The following GPC6 variants were observed in gnomAD, a reference collection of about 807,000 sequenced individuals.
GPC6 encodes glypican 6.
A neutral mutation model predicts 55.2 loss-of-function variants in GPC6; 14 were observed. That is an observed-to-expected ratio of 0.25 (90% CI 0.17 to 0.40). GPC6 has a LOEUF of 0.40. Ranked by LOEUF, GPC6 falls within the 10% of genes least tolerant of loss-of-function variation. The probability of loss-of-function intolerance (pLI) is 1.00; values close to 1 mark genes in which losing one functional copy is unlikely to be tolerated. For synonymous variants in GPC6, 278 were observed against 259.6 expected (o/e 1.07, Z -0.68); for missense variants, 641 against 708.5 (o/e 0.90, Z 1.08).
At chr13:93,792,309 A>G (rs535928204) in intron 2 of GPC6, among the ~76,000 whole-genome samples, 24 of 152,154 alleles carry the variant, frequency 1.6e-4, no homozygotes, top group Admixed American at 2.0e-4. Context: ...GGTCAGGTCT[A>G]TAGGGTTTTT....
chr13:94,335,325 A>G (rs1877624639), intron 6 of GPC6, among the ~76,000 whole-genome samples: 2 of 152,218 alleles, frequency 1.3e-5, no homozygotes, highest in African/African-American at 4.8e-5. Context: ...TATAGGAAGT[A>G]GACAAAGTAA....
intron 3 of GPC6, among the ~76,000 whole-genome samples, chr13:93,889,971 C>T (rs1047420993): frequency 6.7e-6 from 1 of 150,338 alleles, no homozygotes; most frequent in South Asian, 2.1e-4. Context: ...ATCATTAAAT[C>T]AAAAAAAAAT....
chr13:93,836,199 G>T (rs1887725600), intron 3 of GPC6: 2 of 152,072 alleles, frequency 1.3e-5, no homozygotes, highest in African/African-American at 4.8e-5. Context: ...TGCACTATAA[G>T]GAAAAATGTT....
At chr13:93,266,704 T>C (rs1465494017) in intron 1 of GPC6, among the ~76,000 whole-genome samples, 1 of 152,216 alleles carries the variant, frequency 6.6e-6, no homozygotes. Context: ...AGAATGACTG[T>C]TATTCAGTTA....
chr13:93,434,073 C>G (rs7331910), intron 1 of GPC6, among the ~76,000 whole-genome samples: 2 of 152,176 alleles, frequency 1.3e-5, no homozygotes, highest in Admixed American at 6.5e-5. Flanking sequence ...GCATATTCCT[C>G]TTCTTCTCTG....
At chr13:93,703,685 T>C (rs1050346956) in intron 2 of GPC6, among the ~76,000 whole-genome samples, 5 of 151,952 alleles carry the variant, frequency 3.3e-5, no homozygotes, top group Non-Finnish European at 7.4e-5. Context: ...TCTAAACTTA[T>C]GACAAGTTAA....
chr13:93,527,081 TTA>T (rs1325198763), intron 1 of GPC6, among the ~76,000 whole-genome samples: 3 of 152,186 alleles, frequency 2.0e-5, no homozygotes, highest in Admixed American at 6.5e-5. Flanking sequence ...AAGGAATTAT[TTA>T]GAGTTTTTTT....
At chr13:93,930,051 A>G (rs1003821049) in intron 3 of GPC6, among the ~76,000 whole-genome samples, 3 of 152,044 alleles carry the variant, frequency 2.0e-5, no homozygotes, top group Non-Finnish European at 4.4e-5. Context: ...AATTAAAAAA[A>G]TAAATTTAAA....
intron 2 of GPC6, among the ~76,000 whole-genome samples, chr13:93,777,593 G>A (rs920978865): frequency 2.6e-5 from 4 of 152,062 alleles, no homozygotes; most frequent in African/African-American, 9.7e-5. Context: ...AAGTAGAATC[G>A]GTACCTATGT....
At chr13:93,816,855 CTT>C (rs1432258471) in intron 2 of GPC6, among the ~76,000 whole-genome samples, 1 of 152,040 alleles carries the variant, frequency 6.6e-6, no homozygotes, top group African/African-American at 2.4e-5. Context: ...ACTTTCATGT[CTT>C]TTGTTTCTAT....
chr13:93,634,731 G>A (rs1272154549), intron 2 of GPC6, among the ~76,000 whole-genome samples: 1 of 152,170 alleles, frequency 6.6e-6, no homozygotes, highest in Non-Finnish European at 1.5e-5. Context: ...GGACAAAGTA[G>A]TATCGGTATC....
In GPC6 at chr13:93,985,736, A is replaced by G. The variant is rs185331280; in HGVS notation, c.712-41993A>G. On this transcript the variant is annotated intron_variant, in intron 3 of 8. Coordinates refer to ENST00000377047, the MANE Select transcript of GPC6 (RefSeq NM_005708.5). Reference sequence around the variant, plus strand: ...AAATTAAAAAACGGAGATTGCCCTTACCTTTAAATGCACTTCCCAGAAACT... The same window carrying G: ...AAATTAAAAAACGGAGATTGCCCTTGCCTTTAAATGCACTTCCCAGAAACT... Among the ~76,000 whole-genome samples, 622 of 149,938 alleles carry G rather than the reference A, an allele frequency of 4.1e-3. 5 individuals carry two copies. Among genetic ancestry groups the G allele is most frequent in the South Asian group, 0.018 (84 of 4,734 alleles).
intron 7 of GPC6, among the ~76,000 whole-genome samples, chr13:94,395,581 A>G (rs1880859971): frequency 1.3e-5 from 2 of 152,180 alleles, no homozygotes; most frequent in Non-Finnish European, 2.9e-5. Context: ...CTTAAATACC[A>G]AAGTTTCTCT....
At chr13:93,954,523 C>T (rs1278419379) in intron 3 of GPC6, among the ~76,000 whole-genome samples, 1 of 152,100 alleles carries the variant, frequency 6.6e-6, no homozygotes, top group East Asian at 1.9e-4. Flanking sequence ...CCCAGGCTCA[C>T]AATGCCTTTT....
rs57665046 is a variant in GPC6, at chr13:93,798,918, C to CAAAAAAAA, written c.320-31224_320-31217dup. On this transcript the variant is annotated intron_variant, in intron 2 of 8. Coordinates refer to ENST00000377047, the MANE Select transcript of GPC6 (RefSeq NM_005708.5). Reference sequence around the variant, plus strand: ...TGGGTGACAGAGCAAGACTCTGTCTCAAAAAAAAAAAAAAAAAAATGGTGA... The same window carrying CAAAAAAAA: ...TGGGTGACAGAGCAAGACTCTGTCTCAAAAAAAAAAAAAAAAAAAAAAAAAAATGGTGA... Among the ~76,000 whole-genome samples, 273 of 86,036 alleles carry CAAAAAAAA rather than the reference C, an allele frequency of 3.2e-3. 9 individuals carry two copies. Among genetic ancestry groups the CAAAAAAAA allele is most frequent in the East Asian group, 3.8e-3 (10 of 2,600 alleles). 56.4% of individuals were successfully genotyped at this position (86,036 alleles called of 152,430 possible). A position where few individuals can be genotyped will look rare whatever the true frequency, so the allele number is the denominator to read the frequency against.
At chr13:93,249,840 T>G (rs780217110) in intron 1 of GPC6, among the ~76,000 whole-genome samples, 11 of 152,350 alleles carry the variant, frequency 7.2e-5, no homozygotes, top group Middle Eastern at 3.4e-3. Flanking sequence ...GTTGCAACTC[T>G]GATGTAAAAG....
At chr13:94,069,768 A>G (rs1006594310) in intron 4 of GPC6, among the ~76,000 whole-genome samples, 1 of 152,184 alleles carries the variant, frequency 6.6e-6, no homozygotes, top group African/African-American at 2.4e-5. Context: ...CTAGTTCCCA[A>G]CAAGTTTCTC....
chr13:94,352,063 C>T (rs1164089661), intron 6 of GPC6, among the ~76,000 whole-genome samples: 4 of 151,894 alleles, frequency 2.6e-5, no homozygotes, highest in African/African-American at 7.3e-5. Flanking sequence ...CATGTTCTAC[C>T]CACTCCTCTC....
intron 1 of GPC6, among the ~76,000 whole-genome samples, chr13:93,437,173 AT>A (rs1877604434): frequency 6.6e-6 from 1 of 152,150 alleles, no homozygotes; most frequent in African/African-American, 2.4e-5. Flanking sequence ...CCAACTGTCC[AT>A]TATGTCATCT....
Sources: gnomAD v4.1 joint callset for allele counts (sites outside exome capture counted in the v4.1 genomes callset) on GRCh38, gnomAD v4.1.1 for gene constraint, MANE v1.5 for transcripts, NCBI Gene and HGNC (gene_info 2026-07-23, HGNC 2026-07-21) for gene names.